The following NRXN3 variants were observed in gnomAD, a reference collection of about 807,000 sequenced individuals.
NRXN3 encodes the protein neurexin 3.
NRXN3 carries 32 observed loss-of-function variants against 137.6 expected under a neutral mutation model. The ratio of observed to expected loss-of-function variants is 0.23; its 90% CI spans 0.18 to 0.31. The LOEUF (loss-of-function observed/expected upper bound fraction) is 0.31. NRXN3 is among the 10% of genes least tolerant of loss of function. The pLI is 1.00. For missense variants in NRXN3, 1,574 were observed against 2,062.5 expected (o/e 0.76, Z 4.59); for synonymous variants, 798 against 784.5 (o/e 1.02, Z -0.29).
chr14:79,024,369 T>C (rs1294690040), intron 15 of NRXN3, among the ~76,000 whole-genome samples: 1 of 152,140 alleles, frequency 6.6e-6, no homozygotes, highest in Non-Finnish European at 1.5e-5. Context: ...TAAAATCAAA[T>C]TCAGGTTTTT....
chr14:78,297,839 C>T lies in NRXN3; in HGVS notation c.736C>T (p.His246Tyr). The T allele has an allele frequency of 3.3e-6, 5 of 1,536,116 alleles. No homozygotes were observed. Among genetic ancestry groups the T allele is most frequent in the Non-Finnish European group, 4.4e-6 (5 of 1,146,624 alleles). The change falls in exon 4 of 21, where the codon CAC becomes TAC. Residue 246 changes from histidine (H) to tyrosine (Y), a missense_variant. By Grantham distance (83) the His-to-Tyr change is moderately conservative. Around this residue, in one of 5 missense-constraint regions of NRXN3, gnomAD observed 400 missense variants for 527.3 expected, o/e 0.76. Transcript: ENST00000335750. ...CTGTTTCTCTTCCTCAGGCCTCTCC[C>T]ACCTCATGATGAGTGAACAAGGTAG... is the stretch of plus-strand genomic sequence containing the variant. ...EDVSQDPGLS[H>Y]LMMSEQAREE...
intron 17 of NRXN3, among the ~76,000 whole-genome samples, chr14:79,681,640 C>T (rs143945556): frequency 3.4e-4 from 51 of 152,216 alleles, no homozygotes; most frequent in African/African-American, 8.4e-4. Flanking sequence ...GCAAGTCTCA[C>T]GGCCCACCCA....
chr14:78,251,391 C>G (rs2068603014), intron 2 of NRXN3, among the ~76,000 whole-genome samples: 1 of 152,214 alleles, frequency 6.6e-6, no homozygotes, highest in Non-Finnish European at 1.5e-5. Context: ...TTCTCAGTTG[C>G]ACGGGTCCCT....
intron 6 of NRXN3, among the ~76,000 whole-genome samples, chr14:78,699,704 C>T (rs61992204): frequency 0.055 from 8,361 of 152,198 alleles, 274 homozygotes; most frequent in Middle Eastern, 0.14. Flanking sequence ...CACCTATTCA[C>T]CTCATCTTAA....
At chr14:79,190,790 C>T (rs2064189404) in intron 15 of NRXN3, among the ~76,000 whole-genome samples, 2 of 152,118 alleles carry the variant, frequency 1.3e-5, no homozygotes, top group African/African-American at 4.8e-5. Context: ...CCTTTCTTCT[C>T]ATCTTATCCT....
intron 16 of NRXN3, among the ~76,000 whole-genome samples, chr14:79,608,998 T>C (rs2098062924): frequency 6.6e-6 from 1 of 152,164 alleles, no homozygotes; most frequent in Non-Finnish European, 1.5e-5. Context: ...ATTGACTACA[T>C]CCCTCAAAGA....
chr14:78,651,479 G>A (rs977012249), intron 6 of NRXN3, among the ~76,000 whole-genome samples, 153 bp downstream of exon 6: 19 of 152,188 alleles, frequency 1.2e-4, no homozygotes, highest in Non-Finnish European at 4.4e-5. Flanking sequence ...GGTGTCCTAC[G>A]TTTTCATTCC....
At chr14:78,212,853 A>C (rs2062878073) in intron 1 of NRXN3, among the ~76,000 whole-genome samples, 1 of 152,104 alleles carries the variant, frequency 6.6e-6, no homozygotes, top group Non-Finnish European at 1.5e-5. Context: ...TTTTGGTCAA[A>C]TGAAATCTTA....
intron 15 of NRXN3, among the ~76,000 whole-genome samples, chr14:79,327,645 C>T (rs938872903): frequency 2.0e-5 from 3 of 152,226 alleles, no homozygotes; most frequent in African/African-American, 7.2e-5. Context: ...ATGAAGTCTA[C>T]TCTCTCCCAG....
intron 19 of NRXN3, among the ~76,000 whole-genome samples, chr14:79,738,986 T>A (rs2098951588): frequency 6.6e-6 from 1 of 152,214 alleles, no homozygotes; most frequent in Non-Finnish European, 1.5e-5. Context: ...AATAAAGGTA[T>A]TTTTAGAAAG....
intron 15 of NRXN3, among the ~76,000 whole-genome samples, chr14:79,165,918 T>G (rs1296029303): frequency 1.3e-5 from 2 of 151,986 alleles, no homozygotes; most frequent in Non-Finnish European, 2.9e-5. Context: ...ACCACGAGCT[T>G]TTGATTGCTG....
chr14:78,324,103 C>T (rs535675637), intron 4 of NRXN3, among the ~76,000 whole-genome samples: 3 of 152,026 alleles, frequency 2.0e-5, no homozygotes, highest in Non-Finnish European at 4.4e-5. Context: ...ATGAGAAACC[C>T]GAGCTGGGAT....
At chr14:79,141,909 A>G (rs1373782389) in intron 15 of NRXN3, among the ~76,000 whole-genome samples, 1 of 152,224 alleles carries the variant, frequency 6.6e-6, no homozygotes, top group Non-Finnish European at 1.5e-5. Context: ...TGAAAATGTC[A>G]TAAACAAATC....
intron 5 of NRXN3, among the ~76,000 whole-genome samples, chr14:78,645,991 CCT>C (rs1345483473): frequency 1.3e-5 from 2 of 151,910 alleles, no homozygotes; most frequent in Admixed American, 6.6e-5. Context: ...TTTCTGAATT[CCT>C]CTGTTTCTCT....
At chr14:78,258,404 A>T (rs2070048878) in intron 2 of NRXN3, among the ~76,000 whole-genome samples, 1 of 151,114 alleles carries the variant, frequency 6.6e-6, no homozygotes, top group South Asian at 2.1e-4. Context: ...CGGGAGATGT[A>T]CAGGGGCAGG....
chr14:78,565,258 C>T (rs2096826433), intron 4 of NRXN3, among the ~76,000 whole-genome samples: 1 of 152,186 alleles, frequency 6.6e-6, no homozygotes, highest in Admixed American at 6.5e-5. Flanking sequence ...CACAAACTTA[C>T]CTAAAACAAG....
chr14:79,218,800 G>C (rs372274478), intron 15 of NRXN3, among the ~76,000 whole-genome samples: 4 of 152,060 alleles, frequency 2.6e-5, no homozygotes, highest in African/African-American at 9.7e-5. Context: ...AGATTGGACG[G>C]GTAAACAGAC....
intron 6 of NRXN3, among the ~76,000 whole-genome samples, chr14:78,692,562 C>T (rs1459611242): frequency 6.6e-6 from 1 of 152,106 alleles, no homozygotes; most frequent in Non-Finnish European, 1.5e-5. Context: ...CTGTTTTCTC[C>T]AGACTAATTA....
chr14:78,799,044 T>A lies in NRXN3; in HGVS notation c.2045-4576T>A, dbSNP rs2098831155. Among the ~76,000 whole-genome samples, 3 of 152,236 alleles carry A rather than the reference T, an allele frequency of 2.0e-5. No individual in the cohort carries two copies. In the South Asian group the frequency reaches 6.2e-4, roughly 31 times the overall value. On this transcript the variant is annotated intron_variant, in intron 8 of 20. Transcript: ENST00000335750. ...GGTCTCTGACATACCCTGGAAATAT[T>A]TGCCTCATTGTCTTGGCGATTAACA...
Sources: allele counts gnomAD v4.1 joint callset (sites outside exome capture counted in the v4.1 genomes callset), GRCh38; gene constraint gnomAD v4.1.1; regional missense constraint gnomAD v4.1.1; transcripts MANE v1.5; gene names NCBI Gene and HGNC (gene_info 2026-07-23, HGNC 2026-07-21).